The following RGSL1 variants were observed in gnomAD, a reference collection of about 807,000 sequenced individuals.
RGSL1 encodes regulator of G protein signaling like 1, also known as regulator of G protein signaling protein-like.
Under a neutral mutation model 124.7 loss-of-function variants are expected in RGSL1, and 97 were observed. The observed-to-expected ratio is 0.78, with a 90% CI of 0.66 to 0.92. The LOEUF is 0.92. RGSL1 is among the 40% of genes least tolerant of loss of function. RGSL1 has a pLI of 0.00. For missense variants in RGSL1, 1,233 were observed against 1,288.4 expected (o/e 0.96, Z 0.66); for synonymous variants, 424 against 438.1 (o/e 0.97, Z 0.40).
chr1:182,532,711 A>G lies in RGSL1; in HGVS notation c.2414A>G (p.Tyr805Cys). The change falls in exon 14 of 22, where the codon TAC becomes TGC. Residue 805 changes from tyrosine (Y) to cysteine (C), a missense_variant. Physicochemically the swap from Tyr to Cys is radical, Grantham distance 194 (BLOSUM62 -2). Coordinates refer to ENST00000294854, the MANE Select transcript of RGSL1 (RefSeq NM_001137669.2). Reference sequence around the variant, plus strand: ...AGCTTTATCAGGAGTTTTTGCAAGTACCGCAGATTTATGTTGAATCCTAGT... The same window carrying G: ...AGCTTTATCAGGAGTTTTTGCAAGTGCCGCAGATTTATGTTGAATCCTAGT... ...MISFIRSFCK[Y>C]RRFMLNPSKR... is the part of the protein sequence containing the mutation. 1 of 1,551,130 alleles carries G rather than the reference A, an allele frequency of 6.4e-7. No homozygotes were observed. The highest frequency in any genetic ancestry group is 8.7e-7 in the Non-Finnish European group (1 of 1,146,514).
chr1:182,451,466 AATTTGTGAGCTG>A (rs138037480), intron 1 of RGSL1, among the ~76,000 whole-genome samples: 4,253 of 123,578 alleles, frequency 0.034, 19 homozygotes, highest in Non-Finnish European at 0.047. Flanking sequence ...GATGACTATT[AATTTGTGAGCTG>A]ACTGTGCTTA....
At chr1:182,471,848 A>G (rs949577840) in intron 4 of RGSL1, among the ~76,000 whole-genome samples, 3 of 152,166 alleles carry the variant, frequency 2.0e-5, no homozygotes, top group Admixed American at 6.5e-5. Context: ...GCTCAACAAC[A>G]TTAAGTTTCA....
intron 9 of RGSL1, among the ~76,000 whole-genome samples, chr1:182,515,698 G>A (rs1035565129): frequency 1.3e-5 from 2 of 152,212 alleles, no homozygotes; most frequent in Non-Finnish European, 2.9e-5. Context: ...CGGCAAACAG[G>A]AGGCACTGGC....
chr1:182,515,667 G>A (rs1657827332), intron 9 of RGSL1, among the ~76,000 whole-genome samples: 3 of 152,202 alleles, frequency 2.0e-5, no homozygotes, highest in Non-Finnish European at 2.9e-5. Context: ...TTCAGCCATT[G>A]GGGGAATGGC....
intron 6 of RGSL1, among the ~76,000 whole-genome samples, chr1:182,481,737 C>T (rs190469450): frequency 1.5e-5 from 2 of 129,540 alleles, no homozygotes; most frequent in African/African-American, 3.2e-5. Context: ...AACCCCAGCA[C>T]TTTGCGAGGC....
chr1:182,448,693 T>C (rs1242390274), upstream of RGSL1, among the ~76,000 whole-genome samples: 3 of 152,148 alleles, frequency 2.0e-5, no homozygotes, highest in Non-Finnish European at 4.4e-5. Flanking sequence ...TACCACACAT[T>C]TGGGAGACAT....
At chr1:182,478,594 A>C (rs994796953) in intron 6 of RGSL1, among the ~76,000 whole-genome samples, 1 of 152,188 alleles carries the variant, frequency 6.6e-6, no homozygotes, top group African/African-American at 2.4e-5. Flanking sequence ...TAAAGGACTT[A>C]TGGGACACCA....
At chr1:182,498,055 G>A (rs1017628867) in intron 9 of RGSL1, among the ~76,000 whole-genome samples, 3 of 152,048 alleles carry the variant, frequency 2.0e-5, no homozygotes, top group Non-Finnish European at 4.4e-5. Flanking sequence ...AGGATTCTTT[G>A]TTATAAATTT....
rs113285833 is a variant in RGSL1, at chr1:182,551,229, A to G, written c.3043+20A>G. The stretch of plus-strand genomic sequence containing the variant: ...GTGGAGGTAAGCTCCACCACGACTC[A>G]CAGCCCCATTCTCCAGCAACCAAGA... On this transcript the variant is annotated intron_variant, in intron 18 of 21. Coordinates refer to ENST00000294854, the MANE Select transcript of RGSL1 (RefSeq NM_001137669.2). The G allele has an allele frequency of 2.5e-6, 3 of 1,181,240 alleles. No homozygotes were observed. The highest frequency in any genetic ancestry group is 3.3e-5 in the African/African-American group (2 of 60,108). The allele number at this position is 1,181,240 out of a possible 1,614,324, so 73.2% of individuals were successfully genotyped here.
intron 21 of RGSL1, among the ~76,000 whole-genome samples, chr1:182,557,824 C>T (rs150835261): frequency 1.1e-4 from 17 of 152,268 alleles, no homozygotes; most frequent in African/African-American, 4.1e-4. Context: ...TTACATGCTC[C>T]CTTCAAAGAT....
intron 9 of RGSL1, among the ~76,000 whole-genome samples, chr1:182,508,020 T>C (rs1315880104): frequency 2.6e-5 from 4 of 152,052 alleles, no homozygotes; most frequent in African/African-American, 9.7e-5. Context: ...GATATGTTGA[T>C]TTTCTTTCTT....
chr1:182,472,214 A>G (rs1653903691), intron 4 of RGSL1, among the ~76,000 whole-genome samples, 182 bp from the exon 5 acceptor site: 1 of 152,122 alleles, frequency 6.6e-6, no homozygotes, highest in Non-Finnish European at 1.5e-5. Context: ...TCTTCTCCCC[A>G]TGCCTCCAAT....
Position 182,460,033 on chromosome 1 carries a change from G to A in RGSL1, c.201G>A (p.Trp67Ter). 1 of 1,551,632 alleles carries A rather than the reference G, an allele frequency of 6.4e-7. No homozygotes were observed. Among genetic ancestry groups the A allele is most frequent in the Non-Finnish European group, 8.7e-7 (1 of 1,146,956 alleles). The stretch of plus-strand genomic sequence containing the variant: ...CCAAATACAAAGGGTTATTGACCTG[G>A]TTGGAAAAATGCCGATTACCTTTCT... Reference protein sequence around the residue: ...LIAKYKGLLTWLEKCRLPFFC... With the variant: ...LIAKYKGLLT Residue 67 changes from tryptophan to a stop codon, truncating the protein, a stop_gained, in exon 4 of 22, where the codon TGG becomes TGA. Transcript: ENST00000294854. LOFTEE classifies it high-confidence loss of function.
chr1:182,472,916 T>C (rs543517121), intron 5 of RGSL1, among the ~76,000 whole-genome samples: 1 of 152,336 alleles, frequency 6.6e-6, no homozygotes, highest in Admixed American at 6.5e-5. Flanking sequence ...ACCAGCCAAA[T>C]GCACTGTATG....
At chr1:182,503,489 G>A (rs771286938) in intron 9 of RGSL1, among the ~76,000 whole-genome samples, 3 of 149,966 alleles carry the variant, frequency 2.0e-5, no homozygotes, top group Admixed American at 1.3e-4. Context: ...GACAAACATC[G>A]CGTGTTCTCA....
chr1:182,503,358 A>G (rs1192978752), intron 9 of RGSL1, among the ~76,000 whole-genome samples: 1 of 152,104 alleles, frequency 6.6e-6, no homozygotes, highest in African/African-American at 2.4e-5. Context: ...GATAAAGAAA[A>G]TGTGCTCCTA....
rs1010303138 is a variant in RGSL1, at chr1:182,488,997, C to T, written c.1512C>T (p.Ile504=). ...TCTCTTAGACACAGAACAGGTTCAT[C>T]AGCTCCAGACAGCATAAAAGAGAAT... The part of the protein sequence containing the change: ...FLLFTTQNRF[I]SSRQHKREFI... The change falls in exon 8 of 22, where the codon ATC becomes ATT. Residue 504 remains isoleucine (I), a synonymous_variant. Coordinates refer to ENST00000294854, the MANE Select transcript of RGSL1 (RefSeq NM_001137669.2). 1.5e-4 allele frequency: 232 copies of T among 1,550,778 alleles called. No homozygotes were observed. The highest frequency in any genetic ancestry group is 3.8e-4 in the Middle Eastern group (2 of 5,312).
At chr1:182,450,432 T>C in intron 1 of RGSL1, 1 of 559,974 alleles carries the variant, frequency 1.8e-6, no homozygotes, top group Non-Finnish European at 3.2e-6. Flanking sequence ...AAATGTGGAT[T>C]GGGCCACCTC....
chr1:182,542,236 T>C (rs948950361), intron 15 of RGSL1, among the ~76,000 whole-genome samples: 1 of 152,186 alleles, frequency 6.6e-6, no homozygotes, highest in African/African-American at 2.4e-5. Context: ...ATTTGATTTT[T>C]GTATATGGTG....
Sources: allele counts gnomAD v4.1 joint callset (sites outside exome capture counted in the v4.1 genomes callset), GRCh38; gene constraint gnomAD v4.1.1; transcripts MANE v1.5; gene names NCBI Gene and HGNC (gene_info 2026-07-23, HGNC 2026-07-21).